The following MSRA variants were observed in gnomAD, a reference collection of about 807,000 sequenced individuals.
MSRA encodes the protein methionine sulfoxide reductase A, also known as mitochondrial peptide methionine sulfoxide reductase.
Under a neutral mutation model 31.3 loss-of-function variants are expected in MSRA, and 54 were observed. The observed-to-expected ratio is 1.73, with a 90% confidence interval of 1.39 to 2.17. MSRA has a LOEUF of 2.17. MSRA is among the 30% of genes most tolerant of loss of function. The pLI, the probability that MSRA is intolerant of heterozygous loss-of-function variation, is 0.00. For missense variants in MSRA, 507 were observed against 300.9 expected (o/e 1.69, Z -5.07); for synonymous variants, 169 against 116.5 (o/e 1.45, Z -2.90).
intron 3 of MSRA, among the ~76,000 whole-genome samples, chr8:10,265,423 T>G (rs549979171): frequency 6.6e-6 from 1 of 152,250 alleles, no homozygotes; most frequent in Admixed American, 6.5e-5. Context: ...TAGTGACCTA[T>G]GCCTCTCATT....
At chr8:10,183,082 T>C (rs1215252557) in intron 1 of MSRA, among the ~76,000 whole-genome samples, 1 of 152,220 alleles carries the variant, frequency 6.6e-6, no homozygotes, top group Admixed American at 6.5e-5. Context: ...ATGCTATAGC[T>C]GACCATGTTA....
chr8:10,209,915 C>G (rs1809324838), intron 2 of MSRA, among the ~76,000 whole-genome samples: 1 of 152,212 alleles, frequency 6.6e-6, no homozygotes, highest in Admixed American at 6.5e-5. Flanking sequence ...TGTTTGACAT[C>G]TAAGAATTCT....
intron 5 of MSRA, among the ~76,000 whole-genome samples, chr8:10,357,583 C>T (rs771973753): frequency 8.5e-5 from 13 of 152,218 alleles, no homozygotes; most frequent in Non-Finnish European, 1.5e-4. Context: ...CAGGAGCTTT[C>T]CTATCTTCTT....
intron 3 of MSRA, among the ~76,000 whole-genome samples, chr8:10,248,499 C>A (rs2129084584): frequency 6.6e-6 from 1 of 152,300 alleles, no homozygotes; most frequent in Non-Finnish European, 1.5e-5. Flanking sequence ...GGCCAAGGAA[C>A]CATCGGCTCA....
intron 3 of MSRA, among the ~76,000 whole-genome samples, chr8:10,296,048 A>T (rs184503590): frequency 6.6e-6 from 1 of 152,342 alleles, no homozygotes; most frequent in East Asian, 1.9e-4. Flanking sequence ...AATCGCTTTG[A>T]GAAATGCGAT....
chr8:10,215,359 G>C (rs1809895167), intron 2 of MSRA, among the ~76,000 whole-genome samples: 1 of 152,180 alleles, frequency 6.6e-6, no homozygotes. Context: ...CAAGAAAACT[G>C]TTTGCCACCT....
intron 1 of MSRA, among the ~76,000 whole-genome samples, chr8:10,201,973 CT>C (rs1199593444): frequency 6.6e-6 from 1 of 152,054 alleles, no homozygotes; most frequent in African/African-American, 2.4e-5. Flanking sequence ...GGCACCCACT[CT>C]GCTATGGCTG....
intron 5 of MSRA, among the ~76,000 whole-genome samples, chr8:10,357,264 A>AT (rs773711624): frequency 7.2e-5 from 11 of 152,224 alleles, no homozygotes; most frequent in Non-Finnish European, 1.5e-4. Flanking sequence ...AATTGGGATA[A>AT]TTTTCTAAGA....
chr8:10,078,974 C>T (rs814417), intron 1 of MSRA, among the ~76,000 whole-genome samples: 29,422 of 152,100 alleles, frequency 0.19, 3,076 homozygotes, highest in Admixed American at 0.25. Context: ...ACTTAGAAGC[C>T]GTGCTAGGGC....
chr8:10,067,011 C>A (rs751513726), intron 1 of MSRA, among the ~76,000 whole-genome samples: 1 of 151,934 alleles, frequency 6.6e-6, no homozygotes, highest in Non-Finnish European at 1.5e-5. Flanking sequence ...AATATAGATA[C>A]ATTATTATTA....
chr8:10,155,953 A>C (rs757403749), intron 1 of MSRA, among the ~76,000 whole-genome samples: 1 of 152,214 alleles, frequency 6.6e-6, no homozygotes. Context: ...TGATGTTAGC[A>C]CAGTATTCTC....
intron 1 of MSRA, among the ~76,000 whole-genome samples, chr8:10,093,102 G>T (rs936608117): frequency 2.6e-5 from 4 of 152,076 alleles, no homozygotes; most frequent in African/African-American, 9.7e-5. Context: ...TTTGTAGACA[G>T]CATATAGTTG....
chr8:10,328,074 G>A (rs948464888), intron 5 of MSRA, among the ~76,000 whole-genome samples: 3 of 118,898 alleles, frequency 2.5e-5, no homozygotes, highest in African/African-American at 1.0e-4. Context: ...CACTCTGAGT[G>A]TAAATGACAC....
At chr8:10,305,365 C>G (rs546368998) in intron 4 of MSRA, among the ~76,000 whole-genome samples, 24 of 151,012 alleles carry the variant, frequency 1.6e-4, no homozygotes, top group African/African-American at 5.6e-4. Flanking sequence ...CTCATAGTAT[C>G]TGCCCTAATG....
intron 1 of MSRA, among the ~76,000 whole-genome samples, chr8:10,094,129 A>T (rs1420006006): frequency 6.6e-6 from 1 of 152,230 alleles, no homozygotes; most frequent in Non-Finnish European, 1.5e-5. Flanking sequence ...ATTTGAAGGG[A>T]CAGCATGGGA....
chr8:10,390,794 G>A (rs1333615514), intron 5 of MSRA, among the ~76,000 whole-genome samples: 1 of 151,996 alleles, frequency 6.6e-6, no homozygotes, highest in Non-Finnish European at 1.5e-5. Flanking sequence ...AACAGCACAA[G>A]GAAACCCTGT....
chr8:10,245,271 C>A, intron 3 of MSRA, 48 bp downstream of exon 3: 2 of 1,563,632 alleles, frequency 1.3e-6, no homozygotes, highest in South Asian at 1.2e-5. Flanking sequence ...CAAGGGAGGG[C>A]TTGTCACTAC....
chr8:10,215,416 A>T (rs533348505), intron 2 of MSRA, among the ~76,000 whole-genome samples: 3 of 152,188 alleles, frequency 2.0e-5, no homozygotes, highest in Non-Finnish European at 4.4e-5. Context: ...GCCCCTTGGC[A>T]TGGGGATGAC....
At chr8:10,086,166 A>T (rs1048565858) in intron 1 of MSRA, among the ~76,000 whole-genome samples, 1 of 152,178 alleles carries the variant, frequency 6.6e-6, no homozygotes, top group Non-Finnish European at 1.5e-5. Flanking sequence ...ATGTATGAGG[A>T]TTCATTTCTG....
Sources: allele counts gnomAD v4.1 joint callset (sites outside exome capture counted in the v4.1 genomes callset), GRCh38; gene constraint gnomAD v4.1.1; transcripts MANE v1.5; gene names NCBI Gene and HGNC (gene_info 2026-07-23, HGNC 2026-07-21).